Variants in KIF5B observed in about 807,000 individuals in gnomAD.
The protein encoded by KIF5B is kinesin family member 5B.
KIF5B carries 49 observed loss-of-function variants against 132.8 expected under a neutral mutation model. That is an observed-to-expected ratio of 0.37 (90% CI 0.29 to 0.47). The LOEUF is 0.47. Among genes scored for constraint, KIF5B ranks in the 20% least tolerant of loss-of-function variants. The pLI is 1.00. For synonymous variants in KIF5B, 355 were observed against 369.4 expected, an observed-to-expected ratio of 0.96 and a Z score of 0.45; for missense variants, 780 against 1,144.0, an observed-to-expected ratio of 0.68 and a Z score of 4.59.
chr10:32,032,733 C>T lies in KIF5B; in HGVS notation c.1347G>A (p.Leu449=), dbSNP rs1841417290. The T allele has an allele frequency of 1.2e-6, 2 of 1,613,846 alleles. No individual in the cohort carries two copies. Among genetic ancestry groups the T allele is most frequent in the Non-Finnish European group, 1.7e-6 (2 of 1,179,890 alleles). The part of the protein sequence containing the change: ...INQQSQLVEK[L]KTQMLDQEEL... ...CCTCCTGATCCAACATTTGCGTCTT[C>T]AGTTTCTCTACCAGTTGACTTTGCT... is the stretch of plus-strand genomic sequence containing the variant. Residue 449 remains leucine (L), a synonymous_variant, in exon 13 of 26, where the codon CTG becomes CTA. Coordinates refer to ENST00000302418, the MANE Select transcript of KIF5B (RefSeq NM_004521.3).
At chr10:32,030,839 A>T (rs1841394749) in intron 14 of KIF5B, among the ~76,000 whole-genome samples, 1 of 152,200 alleles carries the variant, frequency 6.6e-6, no homozygotes, top group Admixed American at 6.5e-5. Flanking sequence ...AGTAGCAAAC[A>T]TCCTCTAAAA....
intron 14 of KIF5B, 67 bp from the exon 15 acceptor site, chr10:32,028,638 C>G: frequency 1.5e-6 from 2 of 1,377,560 alleles, no homozygotes; most frequent in Middle Eastern, 1.9e-4. Flanking sequence ...AAATACTCAT[C>G]GGTGTTTCAA....
chr10:32,032,535 C>A (rs1841414969), intron 13 of KIF5B, among the ~76,000 whole-genome samples, 171 bp downstream of exon 13: 1 of 152,188 alleles, frequency 6.6e-6, no homozygotes, highest in Admixed American at 6.5e-5. Flanking sequence ...CAGATTGTAT[C>A]TGGGTAGATA....
chr10:32,011,697 CT>C (rs1234795299), intron 25 of KIF5B, among the ~76,000 whole-genome samples, 181 bp from the exon 26 acceptor site: 1 of 152,046 alleles, frequency 6.6e-6, no homozygotes, highest in East Asian at 1.9e-4. Flanking sequence ...ATTTGGTTTC[CT>C]TTTATATACT....
rs1841199539 is a variant in KIF5B at position 32,018,046 on chromosome 10, TA to T, written c.2544+5del. On this transcript the variant is annotated splice_donor_5th_base_variant and intron_variant, in intron 23 of 25. Transcript: ENST00000302418. ...TGCAGCTACCAGAAAATATACTCTT[TA>T]GTACCTGTTTGTGCACTTTAGTGAG... is the stretch of plus-strand genomic sequence containing the variant. The T allele has an allele frequency of 1.5e-5, 22 of 1,514,788 alleles. No homozygotes were observed. Among genetic ancestry groups the T allele is most frequent in the Non-Finnish European group, 1.9e-5 (21 of 1,098,144 alleles). The allele number at this position is 1,514,788 out of a possible 1,614,324, so 93.8% of individuals were successfully genotyped here. A position where few individuals can be genotyped will look rare whatever the true frequency, so the allele number is the denominator to read the frequency against.
intron 25 of KIF5B, among the ~76,000 whole-genome samples, chr10:32,011,870 T>G (rs1841086600): frequency 6.6e-6 from 1 of 151,932 alleles, no homozygotes; most frequent in African/African-American, 2.4e-5. Context: ...CAGTGGTCAG[T>G]GACCTTCTTA....
At position 32,010,653 on chromosome 10, in the gene KIF5B, T is replaced by C. The variant is rs1371686978; in HGVS notation, c.*884A>G. ...TTTTACTAATATTAAAGATGACAAA[T>C]TATTACCTGTCCAATACTTATATTA... On this transcript the variant is annotated 3_prime_UTR_variant, in exon 26 of 26. Coordinates refer to ENST00000302418, the MANE Select transcript of KIF5B (RefSeq NM_004521.3). 1 of 152,166 alleles carries C rather than the reference T, an allele frequency of 6.6e-6. No individual in the cohort carries two copies. Among genetic ancestry groups the C allele is most frequent in the Non-Finnish European group, 1.5e-5 (1 of 68,000 alleles). The allele number at this position is 152,166 out of a possible 1,614,324, so 9.4% of individuals were successfully genotyped here. A position where few individuals can be genotyped will look rare whatever the true frequency, so the allele number is the denominator to read the frequency against.
chr10:32,020,783 A>G (rs893086157), intron 19 of KIF5B, among the ~76,000 whole-genome samples: 1 of 152,172 alleles, frequency 6.6e-6, no homozygotes, highest in African/African-American at 2.4e-5. Context: ...GTGGTATGCA[A>G]TAATAGACTT....
Position 32,023,051 on chromosome 10 carries a change from TA to T in KIF5B, c.1726-16del. On this transcript the variant is annotated splice_polypyrimidine_tract_variant and intron_variant, in intron 15 of 25. Coordinates refer to ENST00000302418, the MANE Select transcript of KIF5B (RefSeq NM_004521.3). ...CCCTCAGGCTGCTGTAAGGAAAAAG[TA>T]AAATAAAAAATTAAAGCCAAAAATG... 1 of 1,493,028 alleles carries T rather than the reference TA, an allele frequency of 6.7e-7. No homozygotes were observed. Among genetic ancestry groups the T allele is most frequent in the Non-Finnish European group, 9.0e-7 (1 of 1,111,754 alleles). The allele number at this position is 1,493,028 out of a possible 1,614,324, so 92.5% of individuals were successfully genotyped here.
chr10:32,026,788 C>T (rs991383359), intron 15 of KIF5B, among the ~76,000 whole-genome samples: 1 of 151,926 alleles, frequency 6.6e-6, no homozygotes, highest in African/African-American at 2.4e-5. Flanking sequence ...TGGTGTTCTG[C>T]GATATGAAAT....
In KIF5B at chr10:32,017,374, A is replaced by C. The variant is rs1380565387; in HGVS notation, c.2545-15T>G. 10 of 1,596,172 alleles carry C rather than the reference A, an allele frequency of 6.3e-6. No individual in the cohort carries two copies. The highest frequency in any genetic ancestry group is 8.6e-6 in the Non-Finnish European group (10 of 1,165,992). On this transcript the variant is annotated splice_polypyrimidine_tract_variant and intron_variant, in intron 23 of 25. Transcript: ENST00000302418. ...TCACGTACCAACTAAACGTACACAA[A>C]GAAAACAAGGATTCCAGATTTAACA...
chr10:32,043,282 C>T (rs1436439932), intron 2 of KIF5B, among the ~76,000 whole-genome samples: 6 of 152,162 alleles, frequency 3.9e-5, no homozygotes, highest in Admixed American at 3.9e-4. Context: ...GGATTACAGG[C>T]GTGAGCCACT....
At chr10:32,024,569 G>C (rs1365461930) in intron 15 of KIF5B, among the ~76,000 whole-genome samples, 3 of 151,542 alleles carry the variant, frequency 2.0e-5, no homozygotes. Context: ...TTCAAGACCA[G>C]CCTGGCCAAT....
intron 14 of KIF5B, 62 bp downstream of exon 14, chr10:32,031,011 A>T: frequency 8.7e-7 from 1 of 1,143,154 alleles, no homozygotes; most frequent in African/African-American, 1.6e-5. Flanking sequence ...TTATTTAAGT[A>T]GTTTTTAGGT....
intron 15 of KIF5B, among the ~76,000 whole-genome samples, chr10:32,024,186 G>T (rs61844301): frequency 9.7e-6 from 1 of 102,704 alleles, no homozygotes; most frequent in Non-Finnish European, 1.7e-5. Flanking sequence ...ACGGAGTCTC[G>T]CTCTGTCGCC....
chr10:32,036,733 G>A (rs1243479579), intron 8 of KIF5B, among the ~76,000 whole-genome samples: 1 of 152,150 alleles, frequency 6.6e-6, no homozygotes, highest in East Asian at 1.9e-4. Context: ...CTAAGCAGAA[G>A]AAACAAAATT....
intron 13 of KIF5B, 47 bp downstream of exon 13, chr10:32,032,659 A>G (rs752723753): frequency 3.4e-6 from 5 of 1,471,142 alleles, no homozygotes; most frequent in Admixed American, 1.7e-5. Flanking sequence ...TCAGAAAACA[A>G]AACTATAAAG....
chr10:32,043,375 G>T (rs1014060799), intron 2 of KIF5B, among the ~76,000 whole-genome samples: 18 of 152,194 alleles, frequency 1.2e-4, no homozygotes, highest in African/African-American at 4.1e-4. Context: ...TAACTTGCCT[G>T]TAACTCCACA....
intron 19 of KIF5B, among the ~76,000 whole-genome samples, chr10:32,020,449 G>A (rs1592439676): frequency 6.6e-6 from 1 of 151,772 alleles, no homozygotes; most frequent in East Asian, 1.9e-4. Flanking sequence ...AGAATTTTGA[G>A]TCAGGGTCTC....
Sources: gnomAD v4.1 joint callset for allele counts (sites outside exome capture counted in the v4.1 genomes callset) on GRCh38, gnomAD v4.1.1 for gene constraint, MANE v1.5 for transcripts, NCBI Gene and HGNC (gene_info 2026-07-23, HGNC 2026-07-21) for gene names.